The following MACROH2A1 variants were observed in gnomAD, a reference collection of about 807,000 sequenced individuals.
MACROH2A1 encodes core histone macro-H2A.1.
MACROH2A1 carries 2 observed loss-of-function variants against 31.6 expected under a neutral mutation model. The observed-to-expected ratio is 0.06, with a 90% CI of 0.03 to 0.20. MACROH2A1 has a LOEUF of 0.20. Among genes scored for constraint, MACROH2A1 ranks in the 10% least tolerant of loss-of-function variants. The pLI is 1.00. For missense variants in MACROH2A1, 230 were observed against 474.0 expected, an observed-to-expected ratio of 0.49 and a Z score of 4.78; for synonymous variants, 169 against 189.6, an observed-to-expected ratio of 0.89 and a Z score of 0.89.
At chr5:135,391,893 C>T (rs1340415230) in intron 1 of MACROH2A1, among the ~76,000 whole-genome samples, 2 of 152,200 alleles carry the variant, frequency 1.3e-5, no homozygotes, top group African/African-American at 4.8e-5. Context: ...CATCCATGGA[C>T]ACCAGAAGCA....
At chr5:135,390,649 C>T (rs765707979) in intron 1 of MACROH2A1, among the ~76,000 whole-genome samples, 32 of 152,250 alleles carry the variant, frequency 2.1e-4, no homozygotes, top group Admixed American at 1.6e-3. Context: ...GATAAACTGA[C>T]GTCACACTCC....
intron 6 of MACROH2A1, among the ~76,000 whole-genome samples, chr5:135,351,755 G>A (rs1458160026): frequency 4.0e-5 from 6 of 150,390 alleles, no homozygotes; most frequent in Admixed American, 4.0e-4. Flanking sequence ...TAGAGATGAG[G>A]TCTCACTATC....
intron 5 of MACROH2A1, chr5:135,359,721 C>T (rs1477884225): frequency 1.0e-6 from 1 of 974,040 alleles, no homozygotes; most frequent in African/African-American, 1.8e-5. Context: ...CACAGATTAA[C>T]TTGGAACGTC....
In MACROH2A1 at chr5:135,358,412, A is replaced by G. The variant is rs1232547387; in HGVS notation, c.588+2085T>C. ...TAGATTTTTGGGTACCTCTTCCTGG[A>G]TATGTGACTCTTGGATCATAAAGTC... On this transcript the variant is annotated intron_variant, in intron 5 of 8. Coordinates refer to ENST00000511689, the MANE Select transcript of MACROH2A1 (RefSeq NM_138610.3). The G allele has an allele frequency of 3.0e-6, 3 of 985,344 alleles. No individual in the cohort carries two copies. The East Asian group carries it at 3.4e-4, about 112-fold the overall frequency. The allele number at this position is 985,344 out of a possible 1,614,324, so 61.0% of individuals were successfully genotyped here. A position where few individuals can be genotyped will look rare whatever the true frequency, so the allele number is the denominator to read the frequency against.
At chr5:135,354,012 A>G (rs571065713) in intron 5 of MACROH2A1, 2 of 152,366 alleles carry the variant, frequency 1.3e-5, no homozygotes, top group African/African-American at 4.8e-5. Context: ...ATGCTCTCAC[A>G]ATGACATTGC....
chr5:135,388,694 T>C (rs150626997), intron 2 of MACROH2A1, among the ~76,000 whole-genome samples: 64 of 152,288 alleles, frequency 4.2e-4, no homozygotes, highest in African/African-American at 1.4e-3. Context: ...TACAGAAATA[T>C]CTACACATAT....
chr5:135,365,633 T>C (rs1447559609), intron 4 of MACROH2A1, among the ~76,000 whole-genome samples: 1 of 152,230 alleles, frequency 6.6e-6, no homozygotes, highest in Non-Finnish European at 1.5e-5. Flanking sequence ...CTAATGAATA[T>C]TCATTTTTTA....
At chr5:135,351,955 G>T (rs1348075226) in intron 6 of MACROH2A1, among the ~76,000 whole-genome samples, 9 of 150,932 alleles carry the variant, frequency 6.0e-5, no homozygotes, top group African/African-American at 2.2e-4. Flanking sequence ...TAAGGCAGTT[G>T]GAAAACAAGT....
Position 135,370,021 on chromosome 5 carries a change from G to A in MACROH2A1, c.279+15C>T. The A allele has an allele frequency of 6.6e-7, 1 of 1,520,288 alleles. No homozygotes were observed. Among genetic ancestry groups the A allele is most frequent in the Non-Finnish European group, 9.1e-7 (1 of 1,095,274 alleles). 94.2% of individuals were successfully genotyped at this position (1,520,288 alleles called of 1,614,324 possible). ...ACCTGCTCAAACATCAGTGGGAGAT[G>A]GGAGAGGCCCATACCTGATTCAGCT... On this transcript the variant is annotated intron_variant, in intron 3 of 8. Transcript: ENST00000511689.
intron 8 of MACROH2A1, among the ~76,000 whole-genome samples, chr5:135,338,984 C>T (rs1041623944): frequency 1.3e-5 from 2 of 152,152 alleles, no homozygotes; most frequent in Admixed American, 6.5e-5. Context: ...GCCAGTACTG[C>T]GGCCACCATC....
intron 4 of MACROH2A1, among the ~76,000 whole-genome samples, chr5:135,367,151 G>T (rs1444908233): frequency 6.6e-6 from 1 of 152,208 alleles, no homozygotes; most frequent in Non-Finnish European, 1.5e-5. Context: ...CCCTGGAAAG[G>T]TTATTTTCAG....
chr5:135,351,933 T>A (rs529002156), intron 6 of MACROH2A1, among the ~76,000 whole-genome samples: 54 of 151,802 alleles, frequency 3.6e-4, no homozygotes, highest in South Asian at 1.7e-3. Flanking sequence ...TTTTTTTTTT[T>A]AAGTATCTGT....
chr5:135,351,017 C>T lies in MACROH2A1; in HGVS notation c.688+1929G>A, dbSNP rs1361726783. ...GCAGGGCTGGCCTACCTGGTCGATT[C>T]CAACATATGAGCCCAAGGGGCAATC... On this transcript the variant is annotated intron_variant, in intron 6 of 8. Transcript: ENST00000511689. 4.1e-6 allele frequency: 3 copies of T among 733,202 alleles called. No individual in the cohort carries two copies. In the African/African-American group the frequency reaches 5.2e-5, roughly 13 times the overall value. 45.4% of individuals were successfully genotyped at this position (733,202 alleles called of 1,614,324 possible). A position where few individuals can be genotyped will look rare whatever the true frequency, so the allele number is the denominator to read the frequency against.
chr5:135,367,567 A>AG (rs1416657929), intron 4 of MACROH2A1, among the ~76,000 whole-genome samples: 2 of 152,232 alleles, frequency 1.3e-5, no homozygotes, highest in Admixed American at 1.3e-4. Flanking sequence ...AAAAACTACT[A>AG]GGGGAAGACT....
chr5:135,364,352 C>A, intron 4 of MACROH2A1, among the ~76,000 whole-genome samples: 1 of 151,552 alleles, frequency 6.6e-6, no homozygotes, highest in South Asian at 2.1e-4. Context: ...AACACACCTG[C>A]ACATTGTGCA....
chr5:135,376,764 A>G (rs1764932700), intron 2 of MACROH2A1, among the ~76,000 whole-genome samples: 1 of 152,224 alleles, frequency 6.6e-6, no homozygotes, highest in Admixed American at 6.5e-5. Context: ...TTAATGAGTT[A>G]CCAAGTAAAA....
chr5:135,383,050 C>T (rs556816159), intron 2 of MACROH2A1, among the ~76,000 whole-genome samples: 74 of 152,326 alleles, frequency 4.9e-4, no homozygotes, highest in African/African-American at 1.8e-3. Flanking sequence ...AGGCTCTAGT[C>T]TCAAACCCTG....
At chr5:135,335,845 T>C (rs1359534831) in intron 8 of MACROH2A1, among the ~76,000 whole-genome samples, 1 of 152,194 alleles carries the variant, frequency 6.6e-6, no homozygotes, top group Non-Finnish European at 1.5e-5. Flanking sequence ...TGCTCTGTGG[T>C]GTGCCTGAGG....
intron 2 of MACROH2A1, among the ~76,000 whole-genome samples, chr5:135,380,154 C>G (rs895329152): frequency 6.6e-6 from 1 of 152,110 alleles, no homozygotes; most frequent in Non-Finnish European, 1.5e-5. Context: ...TCTAACTGGT[C>G]TTCTTAGCCT....
Sources: allele counts gnomAD v4.1 joint callset (sites outside exome capture counted in the v4.1 genomes callset), GRCh38; gene constraint gnomAD v4.1.1; transcripts MANE v1.5; gene names NCBI Gene and HGNC (gene_info 2026-07-23, HGNC 2026-07-21).